The following GRM7 variants were observed in gnomAD, a reference collection of about 807,000 sequenced individuals.
GRM7 encodes the protein metabotropic glutamate receptor 7.
A neutral mutation model predicts 84.5 loss-of-function variants in GRM7; 35 were observed. The observed-to-expected ratio is 0.41, with a 90% CI of 0.32 to 0.55. The LOEUF (loss-of-function observed/expected upper bound fraction) is 0.55, where lower values mean the gene tolerates loss of function less well. Ranked by LOEUF, GRM7 falls within the 20% of genes least tolerant of loss-of-function variation. The pLI is 0.19. For synonymous variants in GRM7, 487 were observed against 455.1 expected (o/e 1.07, Z -0.89); for missense variants, 1,003 against 1,194.6 (o/e 0.84, Z 2.36).
intron 5 of GRM7, among the ~76,000 whole-genome samples, chr3:7,422,265 A>G (rs1696427874): frequency 6.6e-6 from 1 of 152,176 alleles, no homozygotes; most frequent in African/African-American, 2.4e-5. Flanking sequence ...GGCAACCACA[A>G]TATATGTAAA....
At chr3:6,868,198 C>T (rs1468158815) in intron 1 of GRM7, among the ~76,000 whole-genome samples, 2 of 152,130 alleles carry the variant, frequency 1.3e-5, no homozygotes, top group East Asian at 3.8e-4. Context: ...AGCCCAAAGT[C>T]ACATAGCTGG....
At chr3:7,089,664 T>G (rs752517027) in intron 1 of GRM7, among the ~76,000 whole-genome samples, 1 of 152,186 alleles carries the variant, frequency 6.6e-6, no homozygotes, top group Non-Finnish European at 1.5e-5. Flanking sequence ...TTAAAAATGT[T>G]GTTCAAGAGT....
At chr3:7,413,948 C>T (rs1696052794) in intron 4 of GRM7, among the ~76,000 whole-genome samples, 2 of 152,082 alleles carry the variant, frequency 1.3e-5, no homozygotes, top group South Asian at 2.1e-4. Flanking sequence ...AAACTCACTG[C>T]CCTATAGGAT....
chr3:7,453,047 C>G (rs937469998), intron 6 of GRM7, among the ~76,000 whole-genome samples: 1 of 96,846 alleles, frequency 1.0e-5, no homozygotes, highest in Non-Finnish European at 2.0e-5. Flanking sequence ...TTTTTTTTTG[C>G]ACTATGCCAA....
chr3:7,454,088 ACACTCT>A (rs1413750030), intron 6 of GRM7, among the ~76,000 whole-genome samples: 28 of 111,682 alleles, frequency 2.5e-4, no homozygotes, highest in Admixed American at 8.8e-4. Context: ...AGCTACACAC[ACACTCT>A]CTCTCTCTCT....
intron 1 of GRM7, among the ~76,000 whole-genome samples, chr3:6,973,557 C>A (rs1261868577): frequency 2.6e-5 from 4 of 151,882 alleles, no homozygotes; most frequent in Non-Finnish European, 5.9e-5. Context: ...TGGGAAGAAA[C>A]AAAGCAAGAG....
intron 9 of GRM7, among the ~76,000 whole-genome samples, chr3:7,714,736 A>G (rs771767368): frequency 6.6e-6 from 1 of 152,198 alleles, no homozygotes; most frequent in Admixed American, 6.5e-5. Flanking sequence ...TCCTCTGTGG[A>G]TAAATCCTCT....
At chr3:7,541,137 G>T (rs1692863376) in intron 7 of GRM7, among the ~76,000 whole-genome samples, 1 of 152,120 alleles carries the variant, frequency 6.6e-6, no homozygotes, top group South Asian at 2.1e-4. Flanking sequence ...GTGTAAATAT[G>T]CTAGAGATCA....
intron 1 of GRM7, among the ~76,000 whole-genome samples, chr3:7,133,260 T>G (rs1693663634): frequency 6.6e-6 from 1 of 152,138 alleles, no homozygotes; most frequent in Non-Finnish European, 1.5e-5. Context: ...TTATTTTCAT[T>G]TTGTGACTAC....
intron 2 of GRM7, among the ~76,000 whole-genome samples, chr3:7,234,806 A>G (rs1300685625): frequency 1.3e-5 from 2 of 152,116 alleles, no homozygotes; most frequent in East Asian, 1.9e-4. Context: ...GATTCCTGAT[A>G]TTTTCCAGAA....
intron 1 of GRM7, among the ~76,000 whole-genome samples, chr3:6,916,432 A>G (rs1054261650): frequency 2.0e-5 from 3 of 152,214 alleles, no homozygotes; most frequent in African/African-American, 7.2e-5. Context: ...TAGTGGCAGT[A>G]TAGGGGGAGT....
At chr3:7,245,196 G>A (rs182044026) in intron 2 of GRM7, among the ~76,000 whole-genome samples, 1 of 151,964 alleles carries the variant, frequency 6.6e-6, no homozygotes, top group East Asian at 1.9e-4. Flanking sequence ...GACATACCCG[G>A]ACTCCCTAAA....
chr3:7,154,919 G>A (rs576037088), intron 2 of GRM7, among the ~76,000 whole-genome samples: 28 of 152,122 alleles, frequency 1.8e-4, no homozygotes, highest in Admixed American at 3.9e-4. Context: ...GTATCTCATC[G>A]GTTTTGATAG....
intron 2 of GRM7, among the ~76,000 whole-genome samples, chr3:7,237,354 T>A (rs567655080): frequency 3.6e-4 from 55 of 152,306 alleles, no homozygotes; most frequent in African/African-American, 1.3e-3. Context: ...TTATTTTTTA[T>A]ATCCCTTGCA....
At chr3:7,039,714 G>GA (rs36047929) in intron 1 of GRM7, among the ~76,000 whole-genome samples, 26 of 150,056 alleles carry the variant, frequency 1.7e-4, no homozygotes, top group Non-Finnish European at 3.6e-4. Flanking sequence ...GAGTAACTGA[G>GA]AAAAAAAAAA....
At chr3:7,285,880 A>G (rs1050573405) in intron 2 of GRM7, among the ~76,000 whole-genome samples, 23 of 152,052 alleles carry the variant, frequency 1.5e-4, no homozygotes, top group Middle Eastern at 3.2e-3. Context: ...CGTGATTTTA[A>G]TGTGAGTGGA....
chr3:7,170,188 C>A (rs763132836), intron 2 of GRM7, among the ~76,000 whole-genome samples: 5 of 152,060 alleles, frequency 3.3e-5, no homozygotes, highest in African/African-American at 1.2e-4. Context: ...GGGAGTAAAT[C>A]GATTGTTAGG....
At chr3:7,334,391 C>G (rs899637358) in intron 4 of GRM7, among the ~76,000 whole-genome samples, 1 of 151,914 alleles carries the variant, frequency 6.6e-6, no homozygotes, top group African/African-American at 2.4e-5. Context: ...CCTACAAGAT[C>G]TACTAAAAAG....
chr3:7,613,540 C>G (rs1696942390), intron 8 of GRM7, among the ~76,000 whole-genome samples: 2 of 152,112 alleles, frequency 1.3e-5, no homozygotes, highest in South Asian at 4.1e-4. Flanking sequence ...AGAAAATGCT[C>G]ACATCTTCCC....
Sources: allele counts gnomAD v4.1 joint callset (sites outside exome capture counted in the v4.1 genomes callset), GRCh38; gene constraint gnomAD v4.1.1; transcripts MANE v1.5; gene names NCBI Gene and HGNC (gene_info 2026-07-23, HGNC 2026-07-21).